Variants in AFF3 observed in about 807,000 individuals in gnomAD.
The protein encoded by AFF3 is ALF transcription elongation factor 3, also known as AF4/FMR2 family member 3.
A neutral mutation model predicts 129.7 loss-of-function variants in AFF3; 32 were observed. That is an observed-to-expected ratio of 0.25 (90% CI 0.19 to 0.33). AFF3 has a LOEUF of 0.33. AFF3 is among the 10% of genes least tolerant of loss of function. AFF3 has a pLI of 1.00. For missense variants in AFF3, 1,373 were observed against 1,592.0 expected (o/e 0.86, Z 2.34); for synonymous variants, 644 against 635.4 (o/e 1.01, Z -0.20).
chr2:99,766,316 C>T (rs576240422), intron 8 of AFF3, among the ~76,000 whole-genome samples: 2 of 152,356 alleles, frequency 1.3e-5, no homozygotes, highest in South Asian at 4.1e-4. Flanking sequence ...TCCAAATGAG[C>T]AGGCTTCTAC....
chr2:99,605,864 T>C (rs988723783), intron 13 of AFF3, among the ~76,000 whole-genome samples: 10 of 151,808 alleles, frequency 6.6e-5, no homozygotes, highest in African/African-American at 2.4e-4. Context: ...TGTATTTTTT[T>C]TTTTATAAAG....
intron 7 of AFF3, among the ~76,000 whole-genome samples, chr2:99,926,549 C>T (rs1010472784): frequency 1.3e-5 from 2 of 152,128 alleles, no homozygotes; most frequent in African/African-American, 2.4e-5. Flanking sequence ...AATTAGAATA[C>T]GGATTAGCTG....
At chr2:100,038,884 G>A (rs571300359) in intron 4 of AFF3, among the ~76,000 whole-genome samples, 3 of 151,886 alleles carry the variant, frequency 2.0e-5, no homozygotes, top group South Asian at 2.1e-4. Context: ...GACCACGCCC[G>A]GCTAATTTTT....
intron 2 of AFF3, chr2:100,107,219 G>A: frequency 2.0e-6 from 2 of 985,368 alleles, no homozygotes; most frequent in Non-Finnish European, 2.4e-6. Flanking sequence ...AGCTGTCATG[G>A]AGATAAATCC....
At chr2:99,783,636 T>C (rs1281155509) in intron 8 of AFF3, among the ~76,000 whole-genome samples, 3 of 152,242 alleles carry the variant, frequency 2.0e-5, no homozygotes, top group Non-Finnish European at 4.4e-5. Flanking sequence ...GCTCAAATCA[T>C]CTGTAGCAAA....
intron 1 of AFF3, among the ~76,000 whole-genome samples, chr2:100,137,127 G>T (rs1298689068): frequency 1.3e-5 from 2 of 152,092 alleles, no homozygotes. Flanking sequence ...TCACCGCGTG[G>T]GATCCCACAT....
chr2:99,591,701 T>C (rs960802686), intron 15 of AFF3, among the ~76,000 whole-genome samples: 2 of 152,180 alleles, frequency 1.3e-5, no homozygotes, highest in African/African-American at 4.8e-5. Context: ...GTCTAACTTT[T>C]CTATTGATAG....
chr2:99,694,358 G>A (rs1188081802), intron 11 of AFF3, among the ~76,000 whole-genome samples: 1 of 152,074 alleles, frequency 6.6e-6, no homozygotes. Context: ...GTAAAGACAG[G>A]GGCACATTTG....
chr2:99,573,569 C>T (rs1559492517), intron 18 of AFF3, among the ~76,000 whole-genome samples: 1 of 152,170 alleles, frequency 6.6e-6, no homozygotes, highest in African/African-American at 2.4e-5. Flanking sequence ...GGGATTCAAC[C>T]TTTTACAATA....
At chr2:99,771,775 A>T (rs1429674874) in intron 8 of AFF3, among the ~76,000 whole-genome samples, 1 of 152,116 alleles carries the variant, frequency 6.6e-6, no homozygotes, top group Non-Finnish European at 1.5e-5. Context: ...CGTATTTCTA[A>T]ATTTTCTGAT....
intron 8 of AFF3, among the ~76,000 whole-genome samples, chr2:99,764,904 A>G (rs1229612601): frequency 6.6e-6 from 1 of 151,974 alleles, no homozygotes; most frequent in East Asian, 1.9e-4. Context: ...AATTTTAAAA[A>G]TGCTTTTTTT....
intron 18 of AFF3, among the ~76,000 whole-genome samples, chr2:99,575,458 ACTGTGTTG>A (rs1211093782): frequency 7.7e-6 from 1 of 129,690 alleles, no homozygotes; most frequent in Non-Finnish European, 1.6e-5. Flanking sequence ...ATGGGGTTTC[ACTGTGTTG>A]GCCAGGCTCG....
At chr2:99,761,927 A>G (rs1023648950) in intron 8 of AFF3, among the ~76,000 whole-genome samples, 1 of 151,734 alleles carries the variant, frequency 6.6e-6, no homozygotes, top group African/African-American at 2.4e-5. Flanking sequence ...TTTTCTATAC[A>G]CTGTCTTCCC....
intron 4 of AFF3, among the ~76,000 whole-genome samples, chr2:100,021,456 T>C (rs1683595081): frequency 6.6e-6 from 1 of 152,224 alleles, no homozygotes; most frequent in Non-Finnish European, 1.5e-5. Context: ...ATTTAGGCTG[T>C]ATGCATATCA....
At position 100,077,927 on chromosome 2, in the gene AFF3, T is replaced by A. The variant is rs566836309; in HGVS notation, c.53+26475A>T. Among the ~76,000 whole-genome samples the A allele has an allele frequency of 9.2e-5, 14 of 152,328 alleles. No individual in the cohort carries two copies. The South Asian group carries it at 2.9e-3, about 32-fold the overall frequency. On this transcript the variant is annotated intron_variant, in intron 4 of 24. Transcript: ENST00000672756. ...AGGAATGCCCTTGGACACCAGTTAA[T>A]GGGTGAATTTTGCTGGCTTTCTAAT... is the stretch of plus-strand genomic sequence containing the variant.
At chr2:99,636,875 C>G (rs1683711271) in intron 13 of AFF3, among the ~76,000 whole-genome samples, 1 of 152,180 alleles carries the variant, frequency 6.6e-6, no homozygotes, top group Non-Finnish European at 1.5e-5. Flanking sequence ...CCAGCCAGCC[C>G]AGTGCAGCCA....
At chr2:99,815,235 C>T (rs1346195150) in intron 8 of AFF3, among the ~76,000 whole-genome samples, 3 of 152,136 alleles carry the variant, frequency 2.0e-5, no homozygotes, top group Non-Finnish European at 4.4e-5. Flanking sequence ...GTATCAGTTG[C>T]ATTTTTTATT....
intron 5 of AFF3, chr2:100,007,683 C>A (rs1348450511): frequency 3.5e-6 from 2 of 571,576 alleles, no homozygotes; most frequent in East Asian, 6.0e-5. Context: ...AAAAAGGGAT[C>A]TATCCGGCCG....
At chr2:99,775,400 T>C (rs2105347322) in intron 8 of AFF3, among the ~76,000 whole-genome samples, 1 of 152,332 alleles carries the variant, frequency 6.6e-6, no homozygotes, top group South Asian at 2.1e-4. Flanking sequence ...ATCATGTCCT[T>C]TGTAGGGACC....
Sources: gnomAD v4.1 joint callset for allele counts (sites outside exome capture counted in the v4.1 genomes callset) on GRCh38, gnomAD v4.1.1 for gene constraint, MANE v1.5 for transcripts, NCBI Gene and HGNC (gene_info 2026-07-23, HGNC 2026-07-21) for gene names.